The following ADGRL3 variants were observed in gnomAD, a reference collection of about 807,000 sequenced individuals.
ADGRL3 encodes calcium-independent alpha-latrotoxin receptor 3.
ADGRL3 carries 62 observed loss-of-function variants against 153.5 expected under a neutral mutation model. The ratio of observed to expected loss-of-function variants is 0.40; its 90% CI spans 0.33 to 0.50. ADGRL3 has a LOEUF of 0.50. Among genes scored for constraint, ADGRL3 ranks in the 20% least tolerant of loss-of-function variants. The pLI, the probability that ADGRL3 is intolerant of heterozygous loss-of-function variation, is 0.47. For missense variants in ADGRL3, 1,641 were observed against 1,859.4 expected (o/e 0.88, Z 2.16); for synonymous variants, 710 against 672.5 (o/e 1.06, Z -0.86).
At chr4:61,286,635 T>C (rs2093951996) in intron 1 of ADGRL3, among the ~76,000 whole-genome samples, 1 of 151,778 alleles carries the variant, frequency 6.6e-6, no homozygotes, top group Non-Finnish European at 1.5e-5. Flanking sequence ...TAATTAAATA[T>C]AATAATTCAG....
chr4:61,504,200 G>T (rs761737473), intron 3 of ADGRL3, among the ~76,000 whole-genome samples: 1 of 152,148 alleles, frequency 6.6e-6, no homozygotes, highest in East Asian at 1.9e-4. Context: ...TTGCTCTGTT[G>T]CCCAGGCTGG....
rs555250789 is a variant in ADGRL3, at chr4:62,014,521, A to G, written c.3396-14334A>G. Among the ~76,000 whole-genome samples, 11 of 152,292 alleles carry G rather than the reference A, an allele frequency of 7.2e-5. No homozygotes were observed. In the East Asian group the frequency reaches 1.3e-3, roughly 19 times the overall value. On this transcript the variant is annotated intron_variant, in intron 21 of 26. Transcript: ENST00000683033. ...TTTATAATTTTTGTTGCCTAAATTC[A>G]TTACTTACTATATTCATGCAGTCAC...
intron 2 of ADGRL3, among the ~76,000 whole-genome samples, chr4:61,474,383 G>A (rs1162411671): frequency 6.6e-6 from 1 of 152,024 alleles, no homozygotes; most frequent in Non-Finnish European, 1.5e-5. Flanking sequence ...ACCTTGTGAG[G>A]ACCTAAAAGT....
intron 1 of ADGRL3, among the ~76,000 whole-genome samples, chr4:61,259,811 A>G (rs1187798310): frequency 6.6e-6 from 1 of 152,112 alleles, no homozygotes; most frequent in East Asian, 1.9e-4. Flanking sequence ...CTAATATAAC[A>G]TGAGGCAAAT....
intron 8 of ADGRL3, among the ~76,000 whole-genome samples, chr4:61,745,673 A>G (rs2096647780): frequency 6.6e-6 from 1 of 152,232 alleles, no homozygotes; most frequent in South Asian, 2.1e-4. Flanking sequence ...AGATTTTGTC[A>G]CCACCAGGGC....
At chr4:61,222,461 T>C (rs769751224) in intron 1 of ADGRL3, among the ~76,000 whole-genome samples, 6 of 152,174 alleles carry the variant, frequency 3.9e-5, no homozygotes, top group Non-Finnish European at 8.8e-5. Flanking sequence ...TCTTTGGTTC[T>C]ATAGCATTGG....
At chr4:61,875,387 A>G (rs901968712) in intron 9 of ADGRL3, among the ~76,000 whole-genome samples, 7 of 152,218 alleles carry the variant, frequency 4.6e-5, no homozygotes, top group African/African-American at 1.7e-4. Context: ...TGTGAGTCAC[A>G]TAACACAAAA....
intron 2 of ADGRL3, among the ~76,000 whole-genome samples, chr4:61,453,896 G>A (rs932159814): frequency 4.5e-4 from 69 of 152,092 alleles, no homozygotes; most frequent in African/African-American, 1.6e-3. Flanking sequence ...AATATTATCT[G>A]AGAGTTGCCT....
chr4:62,066,596 A>C (rs1315166454), intron 25 of ADGRL3, among the ~76,000 whole-genome samples: 2 of 152,078 alleles, frequency 1.3e-5, no homozygotes, highest in Non-Finnish European at 2.9e-5. Flanking sequence ...ATTATACAAA[A>C]ACCTGTCAAC....
At chr4:61,355,988 A>T (rs550169479) in intron 1 of ADGRL3, among the ~76,000 whole-genome samples, 39 of 152,014 alleles carry the variant, frequency 2.6e-4, no homozygotes, top group Non-Finnish European at 4.9e-4. Flanking sequence ...AATGTATTTG[A>T]TCCATATACG....
At chr4:62,044,241 G>A (rs565498760) in intron 24 of ADGRL3, among the ~76,000 whole-genome samples, 7 of 151,660 alleles carry the variant, frequency 4.6e-5, no homozygotes, top group Admixed American at 4.0e-4. Context: ...TGGTATATAG[G>A]CATTTAGGAA....
intron 3 of ADGRL3, among the ~76,000 whole-genome samples, chr4:61,504,376 G>T (rs1399693230): frequency 6.6e-6 from 1 of 151,994 alleles, no homozygotes; most frequent in Non-Finnish European, 1.5e-5. Flanking sequence ...AATCATTATG[G>T]ATATTTAATA....
chr4:61,318,922 A>T (rs184018794), intron 1 of ADGRL3, among the ~76,000 whole-genome samples: 1 of 152,322 alleles, frequency 6.6e-6, no homozygotes, highest in East Asian at 1.9e-4. Context: ...TTTAGCAATT[A>T]TGAGTTGTCA....
chr4:61,486,093 G>A (rs551546102), intron 2 of ADGRL3, among the ~76,000 whole-genome samples: 16 of 152,010 alleles, frequency 1.1e-4, no homozygotes, highest in Admixed American at 2.6e-4. Context: ...ACAGGCACCC[G>A]CCACCATGCC....
At chr4:61,473,611 G>GA (rs2097999023) in intron 2 of ADGRL3, among the ~76,000 whole-genome samples, 1 of 151,684 alleles carries the variant, frequency 6.6e-6, no homozygotes, top group South Asian at 2.1e-4. Context: ...AAATGAGGAG[G>GA]AAAAAAACCA....
rs556507131 is a variant in ADGRL3 at position 61,788,446 on chromosome 4, A to G, written c.1400-25363A>G. Among the ~76,000 whole-genome samples the G allele has an allele frequency of 2.2e-4, 33 of 152,274 alleles. No individual in the cohort carries two copies. The South Asian group carries it at 6.8e-3, about 32-fold the overall frequency. ...CCAGAAGAGCAATAACAATCAGTGC[A>G]GTCCTTCTCTCAGGAAGCCCCATCC... On this transcript the variant is annotated intron_variant, in intron 8 of 26. Transcript: ENST00000683033.
At chr4:61,466,412 T>A (rs1471723036) in intron 2 of ADGRL3, among the ~76,000 whole-genome samples, 1 of 152,206 alleles carries the variant, frequency 6.6e-6, no homozygotes, top group Non-Finnish European at 1.5e-5. Context: ...GTATTTAATA[T>A]AGGTACCAAG....
At chr4:61,430,281 T>C in intron 2 of ADGRL3, among the ~76,000 whole-genome samples, 1 of 152,260 alleles carries the variant, frequency 6.6e-6, no homozygotes. Flanking sequence ...AGTGCAATAG[T>C]CTAGCTGATG....
At chr4:61,361,130 A>G (rs1166902263) in intron 1 of ADGRL3, among the ~76,000 whole-genome samples, 9 of 152,194 alleles carry the variant, frequency 5.9e-5, no homozygotes, top group Non-Finnish European at 1.2e-4. Context: ...TGTGATGAGC[A>G]TGCTATCAGC....
Sources: allele counts gnomAD v4.1 joint callset (sites outside exome capture counted in the v4.1 genomes callset), GRCh38; gene constraint gnomAD v4.1.1; transcripts MANE v1.5; gene names NCBI Gene and HGNC (gene_info 2026-07-23, HGNC 2026-07-21).